Variants in XKR6 observed in about 807,000 individuals in gnomAD.
XKR6 encodes XK related 6, also known as XK-related protein 6.
A neutral mutation model predicts 56.7 loss-of-function variants in XKR6; 22 were observed. That is an observed-to-expected ratio of 0.39 (90% CI 0.28 to 0.55). The LOEUF (loss-of-function observed/expected upper bound fraction) is 0.55. Among genes scored for constraint, XKR6 ranks in the 20% least tolerant of loss-of-function variants. The pLI, the probability that XKR6 is intolerant of heterozygous loss-of-function variation, is 0.66. For synonymous variants in XKR6, 524 were observed against 387.8 expected, an observed-to-expected ratio of 1.35 and a Z score of -4.13; for missense variants, 852 against 889.0, an observed-to-expected ratio of 0.96 and a Z score of 0.53.
intron 1 of XKR6, among the ~76,000 whole-genome samples, chr8:10,986,911 T>C (rs540854057): frequency 1.3e-5 from 2 of 151,948 alleles, no homozygotes; most frequent in South Asian, 4.2e-4. Context: ...GATGGGACTA[T>C]AGGTGTGCAC....
At chr8:10,957,820 G>T (rs1260217740) in intron 1 of XKR6, among the ~76,000 whole-genome samples, 2 of 152,066 alleles carry the variant, frequency 1.3e-5, no homozygotes, top group South Asian at 2.1e-4. Flanking sequence ...AGATCATGTT[G>T]GTTTGGGTCC....
chr8:10,925,120 G>C (rs1200572815), intron 1 of XKR6, among the ~76,000 whole-genome samples: 2 of 152,164 alleles, frequency 1.3e-5, no homozygotes, highest in Non-Finnish European at 2.9e-5. Context: ...TGAGACTGTG[G>C]GGCCAGATGC....
chr8:11,097,476 T>TA (rs1408764769), intron 1 of XKR6, among the ~76,000 whole-genome samples: 1 of 127,492 alleles, frequency 7.8e-6, no homozygotes, highest in East Asian at 1.9e-4. Flanking sequence ...TATTTTCTTT[T>TA]TTTTTTTAAA....
At chr8:11,172,123 C>T (rs1802406641) in intron 1 of XKR6, among the ~76,000 whole-genome samples, 1 of 151,948 alleles carries the variant, frequency 6.6e-6, no homozygotes, top group South Asian at 2.1e-4. Context: ...ATAATCCCAG[C>T]ACGTTGGGAG....
rs377339130 is a variant in XKR6 at position 10,898,029 on chromosome 8, T to C, written c.1849A>G (p.Thr617Ala). Residue 617 changes from threonine to alanine, a missense_variant, in exon 3 of 3, where the codon ACC (threonine) becomes GCC (alanine). Around this residue, in one of 4 missense-constraint regions of XKR6, gnomAD observed 39 missense variants for 62.5 expected, o/e 0.62. Transcript: ENST00000416569. The surrounding 1 kb of genome is among the most constrained non-coding windows in gnomAD (Gnocchi z 6.6). Reference protein sequence around the residue: ...RRTINILQYVTPTAVGIRYRD... With the variant: ...RRTINILQYVAPTAVGIRYRD... ...TATCGAATGCCTACTGCGGTGGGGG[T>C]GACATATTGTAGAATGTTAATAGTC... The C allele has an allele frequency of 1.5e-5, 25 of 1,613,602 alleles. No homozygotes were observed. The highest frequency in any genetic ancestry group is 1.7e-5 in the Non-Finnish European group (20 of 1,179,870).
intron 2 of XKR6, among the ~76,000 whole-genome samples, chr8:10,919,610 C>T (rs938902880): frequency 7.2e-5 from 11 of 152,204 alleles, no homozygotes; most frequent in African/African-American, 2.7e-4. Context: ...CCAAAAAGTA[C>T]TTGTTATTCC....
At chr8:11,064,824 C>G (rs1003290185) in intron 1 of XKR6, among the ~76,000 whole-genome samples, 1 of 152,164 alleles carries the variant, frequency 6.6e-6, no homozygotes, top group Non-Finnish European at 1.5e-5. Context: ...GTTAAGGATA[C>G]TTATTGTCAC....
chr8:11,178,545 AAAATATATATATATAT>A (rs1220639938), intron 1 of XKR6, among the ~76,000 whole-genome samples: 26 of 78,990 alleles, frequency 3.3e-4, no homozygotes, highest in African/African-American at 8.2e-4. Context: ...CTGAGAGGTA[AAAATATATATATATAT>A]ATATATATAT....
chr8:11,093,347 G>A (rs937609058), intron 1 of XKR6, among the ~76,000 whole-genome samples: 2 of 152,148 alleles, frequency 1.3e-5, no homozygotes, highest in Non-Finnish European at 2.9e-5. Flanking sequence ...GAGCCACCAC[G>A]CCCAGATCTT....
chr8:11,036,849 G>T (rs1231666609), intron 1 of XKR6, among the ~76,000 whole-genome samples: 1 of 152,224 alleles, frequency 6.6e-6, no homozygotes, highest in Non-Finnish European at 1.5e-5. Flanking sequence ...CTCCCTGGAA[G>T]GTGGCTGCGT....
At chr8:10,909,074 G>A (rs1800270700) in intron 2 of XKR6, among the ~76,000 whole-genome samples, 1 of 152,070 alleles carries the variant, frequency 6.6e-6, no homozygotes. Flanking sequence ...GCTGAGGCAG[G>A]AGAATTGTTT....
chr8:11,167,161 A>C (rs555517312), intron 1 of XKR6, among the ~76,000 whole-genome samples: 25 of 152,322 alleles, frequency 1.6e-4, no homozygotes, highest in South Asian at 2.1e-4. Context: ...AAACCATCAA[A>C]AAACAAGCAC....
rs60582869 is a variant in XKR6, at chr8:11,145,042, A to AAGGG, written c.764+55530_764+55533dup. Among the ~76,000 whole-genome samples the AAGGG allele has an allele frequency of 1.5e-4, 19 of 128,998 alleles. 1 individual carries two copies. Among genetic ancestry groups the AAGGG allele is most frequent in the African/African-American group, 3.5e-4 (11 of 31,148 alleles). 84.6% of individuals were successfully genotyped at this position (128,998 alleles called of 152,430 possible). On this transcript the variant is annotated intron_variant, in intron 1 of 2. Transcript: ENST00000416569. ...AAAGAAGGGAGAAAGGGAGAGAAAG[A>AAGGG]AGGGAGGGAGGGAGGAAGGAAACAA...
chr8:11,190,183 A>G (rs1242336492), intron 1 of XKR6, among the ~76,000 whole-genome samples: 3 of 130,648 alleles, frequency 2.3e-5, no homozygotes, highest in Non-Finnish European at 4.7e-5. Flanking sequence ...GAAAAGAAAG[A>G]AAAGAAAGAA....
intron 1 of XKR6, among the ~76,000 whole-genome samples, chr8:10,978,393 T>G (rs1797637190): frequency 6.6e-6 from 1 of 152,236 alleles, no homozygotes. Context: ...TTAATAAATT[T>G]CCATGGATTT....
intron 1 of XKR6, among the ~76,000 whole-genome samples, chr8:10,994,630 C>T (rs1427336007): frequency 1.3e-5 from 2 of 152,124 alleles, no homozygotes; most frequent in African/African-American, 4.8e-5. Context: ...TGTCTCCGAG[C>T]CTTAAGAAAC....
intron 1 of XKR6, among the ~76,000 whole-genome samples, chr8:11,196,364 T>C (rs1197804424): frequency 6.6e-6 from 1 of 152,190 alleles, no homozygotes; most frequent in Non-Finnish European, 1.5e-5. Flanking sequence ...GAACACTGTT[T>C]TGAATTTGCG....
chr8:10,931,468 T>C (rs1586320154), intron 1 of XKR6, among the ~76,000 whole-genome samples: 1 of 152,092 alleles, frequency 6.6e-6, no homozygotes, highest in Non-Finnish European at 1.5e-5. Context: ...AAAACAATTC[T>C]AAAAGTGAAT....
intron 1 of XKR6, among the ~76,000 whole-genome samples, chr8:11,016,256 C>G (rs187766419): frequency 6.6e-6 from 1 of 152,196 alleles, no homozygotes; most frequent in Non-Finnish European, 1.5e-5. Flanking sequence ...TGGCCGGGGG[C>G]CTCTGCGTCC....
Sources: allele counts gnomAD v4.1 joint callset (sites outside exome capture counted in the v4.1 genomes callset), GRCh38; gene constraint gnomAD v4.1.1; regional missense constraint gnomAD v4.1.1; non-coding constraint Gnocchi (gnomAD v3.1); transcripts MANE v1.5; gene names NCBI Gene and HGNC (gene_info 2026-07-23, HGNC 2026-07-21).